Variants in BOC observed in about 807,000 individuals in gnomAD.
BOC encodes brother of CDO.
A neutral mutation model predicts 112.0 loss-of-function variants in BOC; 76 were observed. The observed-to-expected ratio is 0.68, with a 90% CI of 0.56 to 0.82. The LOEUF (loss-of-function observed/expected upper bound fraction) is 0.82, where lower values mean the gene tolerates loss of function less well. Among genes scored for constraint, BOC ranks in the 40% least tolerant of loss-of-function variants. The pLI is 0.00. For synonymous variants in BOC, 580 were observed against 599.8 expected, an observed-to-expected ratio of 0.97 and a Z score of 0.48; for missense variants, 1,309 against 1,511.7, an observed-to-expected ratio of 0.87 and a Z score of 2.22.
Position 113,286,888 on chromosome 3 carries a change from T to G in BOC, c.*26T>G. On this transcript the variant is annotated 3_prime_UTR_variant, in exon 20 of 20. Coordinates refer to ENST00000682979, the MANE Select transcript of BOC (RefSeq NM_001378074.1). ...GCAGAAGCTGATATCCCAGAAAGAC[T>G]ATATATTGTTTTTTTTTTAAAAAAA... 1.3e-6 allele frequency: 2 copies of G among 1,502,962 alleles called. No homozygotes were observed. The highest frequency in any genetic ancestry group is 1.8e-6 in the Non-Finnish European group (2 of 1,122,942). The allele number at this position is 1,502,962 out of a possible 1,614,324, so 93.1% of individuals were successfully genotyped here.
In BOC at chr3:113,278,784, G is replaced by A. The variant is rs768335273; in HGVS notation, c.1816+1G>A. On this transcript the variant is annotated splice_donor_variant, in intron 11 of 19. Coordinates refer to ENST00000682979, the MANE Select transcript of BOC (RefSeq NM_001378074.1). LOFTEE classifies it high-confidence loss of function. The surrounding 1 kb of genome is among the most constrained non-coding windows in gnomAD (Gnocchi z 4.2). ...CAGCCAGACCACGGCCGCCTCTCCC[G>A]TAAGCCGCTAGCAGCAGGGACGGAC... 3.2e-6 allele frequency: 5 copies of A among 1,553,972 alleles called. No individual in the cohort carries two copies. Among genetic ancestry groups the A allele is most frequent in the Admixed American group, 3.9e-5 (2 of 51,392 alleles).
At position 113,229,480 on chromosome 3, in the gene BOC, A is replaced by G. The variant is rs1942247518; in HGVS notation, c.-82+13206A>G. On this transcript the variant is annotated intron_variant, in intron 2 of 19. Coordinates refer to ENST00000682979, the MANE Select transcript of BOC (RefSeq NM_001378074.1). ...GCAATTGTTCCTGGCCCCAGTCAGC[A>G]GCAGCCACTATGGCTCAGGGACCTG... Among the ~76,000 whole-genome samples the G allele has an allele frequency of 2.6e-5, 4 of 152,186 alleles. No homozygotes were observed. The South Asian group carries it at 8.3e-4, about 32-fold the overall frequency.
chr3:113,273,039 C>T lies in BOC; in HGVS notation c.962-30C>T, dbSNP rs772122021. On this transcript the variant is annotated intron_variant, in intron 7 of 19. Transcript: ENST00000682979. ...TGGCCCTGGGACAGAAAGACACAGC[C>T]CTTCTCACCCTGCTCTGGTTTCCTG... 4.4e-6 allele frequency: 7 copies of T among 1,577,272 alleles called. No individual in the cohort carries two copies. The Admixed American group carries it at 6.8e-5, about 15-fold the overall frequency.
intron 2 of BOC, among the ~76,000 whole-genome samples, chr3:113,242,308 T>G (rs985612253): frequency 4.6e-5 from 7 of 152,184 alleles, no homozygotes; most frequent in African/African-American, 1.7e-4. Flanking sequence ...CCCCCCACAC[T>G]GTGGGTAGAT....
chr3:113,258,358 C>T (rs999660154), intron 4 of BOC, among the ~76,000 whole-genome samples: 1 of 152,122 alleles, frequency 6.6e-6, no homozygotes, highest in African/African-American at 2.4e-5. Flanking sequence ...AGGTGATTGT[C>T]TCTCTCTCTC....
chr3:113,221,882 C>G (rs776910028), intron 2 of BOC, among the ~76,000 whole-genome samples: 2 of 152,300 alleles, frequency 1.3e-5, no homozygotes, highest in South Asian at 2.1e-4. Context: ...TCCCTTCCCC[C>G]CTTGCCTACT....
intron 4 of BOC, among the ~76,000 whole-genome samples, chr3:113,258,592 C>A (rs751127198): frequency 2.0e-5 from 3 of 152,168 alleles, no homozygotes; most frequent in African/African-American, 4.8e-5. Flanking sequence ...ATCAGGGAAT[C>A]CTGTACAAGC....
intron 6 of BOC, chr3:113,271,335 C>T (rs1317525892): frequency 4.7e-6 from 2 of 426,710 alleles, no homozygotes; most frequent in East Asian, 6.7e-5. Context: ...GGCTGCTGTT[C>T]TGCCCTATAT....
chr3:113,235,042 G>A (rs1943234980), intron 2 of BOC, among the ~76,000 whole-genome samples: 1 of 152,178 alleles, frequency 6.6e-6, no homozygotes, highest in African/African-American at 2.4e-5. Flanking sequence ...TAGTCAAATG[G>A]GATTGGTTTT....
chr3:113,260,721 A>ACAGAACAGAAAGAACAGAACAGAAC (rs1553737946), intron 4 of BOC, among the ~76,000 whole-genome samples: 5 of 92,260 alleles, frequency 5.4e-5, no homozygotes, highest in African/African-American at 1.7e-4. Flanking sequence ...ACAGAACAGA[A>ACAGAACAGAAAGAACAGAACAGAAC]AGAACAGAAC....
chr3:113,265,036 G>A (rs1947316232), intron 4 of BOC, among the ~76,000 whole-genome samples: 5 of 152,194 alleles, frequency 3.3e-5, no homozygotes, highest in Admixed American at 3.3e-4. Flanking sequence ...CCAGCTTCAT[G>A]CTCCCCCACT....
chr3:113,235,787 C>T (rs1185051583), intron 2 of BOC, among the ~76,000 whole-genome samples: 1 of 152,192 alleles, frequency 6.6e-6, no homozygotes, highest in African/African-American at 2.4e-5. Context: ...GTTTTTAAAA[C>T]AACGAAGAAT....
At chr3:113,250,396 A>G (rs1945467402) in intron 3 of BOC, among the ~76,000 whole-genome samples, 159 bp from the exon 4 acceptor site, 1 of 152,202 alleles carries the variant, frequency 6.6e-6, no homozygotes, top group African/African-American at 2.4e-5. Flanking sequence ...TCTGGGAACA[A>G]AGGCAGGTTG....
At chr3:113,256,174 A>G (rs16860720) in intron 4 of BOC, among the ~76,000 whole-genome samples, 8,959 of 152,240 alleles carry the variant, frequency 0.059, 306 homozygotes, top group Middle Eastern at 0.11. Context: ...TGGAGGCTCT[A>G]AAGCCCGTGT....
intron 16 of BOC, among the ~76,000 whole-genome samples, 187 bp from the exon 17 acceptor site, chr3:113,284,148 G>A (rs1949455189): frequency 1.3e-5 from 2 of 152,068 alleles, no homozygotes; most frequent in African/African-American, 4.8e-5. Context: ...CTAGGTGTCA[G>A]GTAGAAATGG....
At position 113,278,775 on chromosome 3, in the gene BOC, G is replaced by C; in HGVS notation, c.1808G>C (p.Arg603Pro). 1 of 1,555,140 alleles carries C rather than the reference G, an allele frequency of 6.4e-7. No individual in the cohort carries two copies. The highest frequency in any genetic ancestry group is 2.4e-5 in the East Asian group (1 of 41,242). ...PQSSSQPDHGRLSPPEAPDRP... is the reference protein window; with the variant it reads ...PQSSSQPDHGPLSPPEAPDRP... ...AGCAGCAGCCAGCCAGACCACGGCC[G>C]CCTCTCCCGTAAGCCGCTAGCAGCA... The change falls in exon 11 of 20, where the codon CGC becomes CCC. Residue 603 changes from arginine (R) to proline (P), a missense_variant. By Grantham distance (103) the Arg-to-Pro change is moderately radical (BLOSUM62 -2). Transcript: ENST00000682979. The surrounding 1 kb of genome is among the most constrained non-coding windows in gnomAD (Gnocchi z 4.2).
At chr3:113,285,327 C>T in intron 18 of BOC, 45 bp from the exon 19 acceptor site, 5 of 1,591,300 alleles carry the variant, frequency 3.1e-6, no homozygotes, top group Non-Finnish European at 4.3e-6. Context: ...GCGACAGGCC[C>T]ACCCTGCCCA....
intron 2 of BOC, among the ~76,000 whole-genome samples, 195 bp from the exon 3 acceptor site, chr3:113,249,527 G>A (rs1559838497): frequency 6.6e-6 from 1 of 152,168 alleles, no homozygotes; most frequent in African/African-American, 2.4e-5. Context: ...AGCCCTAGGG[G>A]GCAACTTATA....
chr3:113,270,769 C>T (rs377374138), intron 5 of BOC, 32 bp from the exon 6 acceptor site: 53 of 1,582,104 alleles, frequency 3.3e-5, no homozygotes, highest in Non-Finnish European at 4.0e-5. Flanking sequence ...CTGGACCCAT[C>T]CCATCTTCCC....
Sources: allele counts gnomAD v4.1 joint callset (sites outside exome capture counted in the v4.1 genomes callset), GRCh38; gene constraint gnomAD v4.1.1; non-coding constraint Gnocchi (gnomAD v3.1); transcripts MANE v1.5; gene names NCBI Gene and HGNC (gene_info 2026-07-23, HGNC 2026-07-21).